Variants in WAPL observed in about 807,000 individuals in gnomAD.
WAPL encodes the protein wings apart-like protein homolog.
A neutral mutation model predicts 121.0 loss-of-function variants in WAPL; 5 were observed. That is an observed-to-expected ratio of 0.04 (90% confidence interval 0.02 to 0.09). WAPL has a LOEUF of 0.09. Among genes scored for constraint, WAPL ranks in the 10% least tolerant of loss-of-function variants. WAPL has a pLI of 1.00. For synonymous variants in WAPL, 480 were observed against 481.5 expected, an observed-to-expected ratio of 1.00 and a Z score of 0.04; for missense variants, 999 against 1,410.8, an observed-to-expected ratio of 0.71 and a Z score of 4.68.
At position 86,500,019 on chromosome 10, in the gene WAPL, C is replaced by G. The variant is rs755528573; in HGVS notation, c.1224G>C (p.Lys408Asn). 1.2e-6 allele frequency: 2 copies of G among 1,614,116 alleles called. No individual in the cohort carries two copies. The highest frequency in any genetic ancestry group is 2.2e-5 in the South Asian group (2 of 91,068). Residue 408 changes from lysine (K) to asparagine (N), a missense_variant, in exon 3 of 19, where the codon AAG becomes AAC. Lys to Asn is a moderately conservative substitution (Grantham distance 94). This residue lies in a region of WAPL where 531 missense variants were observed against 563.1 expected (regional missense o/e 0.94). Coordinates refer to ENST00000298767, the MANE Select transcript of WAPL (RefSeq NM_015045.5). Reference sequence around the variant, plus strand: ...TACTAGGTCGAAATCTAGTAGTAGTCTTAGAAGTTGCAATATCTGCCTTTT... The same window carrying G: ...TACTAGGTCGAAATCTAGTAGTAGTGTTAGAAGTTGCAATATCTGCCTTTT... ...LRKKADIATS[K>N]TTTRFRPSNT...
intron 4 of WAPL, among the ~76,000 whole-genome samples, chr10:86,496,886 T>A (rs1331160187): frequency 7.2e-6 from 1 of 138,876 alleles, no homozygotes; most frequent in Non-Finnish European, 1.7e-5. Context: ...AGGTGTGCAG[T>A]GGGGGAGGAA....
At chr10:86,439,412 G>A (rs1020386029) in intron 17 of WAPL, among the ~76,000 whole-genome samples, 2 of 152,136 alleles carry the variant, frequency 1.3e-5, no homozygotes, top group Non-Finnish European at 2.9e-5. Flanking sequence ...CTCTGTAATA[G>A]AGAATATATG....
At chr10:86,508,043 T>C (rs549112773) in intron 2 of WAPL, among the ~76,000 whole-genome samples, 12 of 152,174 alleles carry the variant, frequency 7.9e-5, no homozygotes, top group Non-Finnish European at 1.3e-4. Flanking sequence ...TGGGGCCTAC[T>C]AGAGGAGGAG....
intron 17 of WAPL, among the ~76,000 whole-genome samples, chr10:86,438,269 T>TTTTTG (rs1336156584): frequency 1.3e-5 from 2 of 151,302 alleles, no homozygotes; most frequent in Non-Finnish European, 3.0e-5. Flanking sequence ...TTTTTTTTTT[T>TTTTTG]TTAAATGAAA....
At chr10:86,520,950 G>A (rs1408935932) in intron 1 of WAPL, among the ~76,000 whole-genome samples, 2 of 151,998 alleles carry the variant, frequency 1.3e-5, no homozygotes, top group Non-Finnish European at 2.9e-5. Flanking sequence ...CAGTGGGCGC[G>A]ATGGACCCCT....
chr10:86,464,639 G>T (rs1841357856), intron 9 of WAPL, among the ~76,000 whole-genome samples: 1 of 152,144 alleles, frequency 6.6e-6, no homozygotes, highest in African/African-American at 2.4e-5. Flanking sequence ...TTCGAGACCA[G>T]TTTAGCCAAC....
intron 17 of WAPL, 111 bp downstream of exon 17, chr10:86,443,164 C>T: frequency 1.3e-6 from 1 of 763,712 alleles, no homozygotes; most frequent in Non-Finnish European, 2.0e-6. Context: ...ATAAGTTGGA[C>T]ATTAAGGGGG....
chr10:86,437,869 T>C, intron 18 of WAPL, 51 bp downstream of exon 18: 1 of 1,375,712 alleles, frequency 7.3e-7, no homozygotes, highest in East Asian at 2.3e-5. Context: ...ATGTCTACTG[T>C]CAATGTATTA....
intron 11 of WAPL, among the ~76,000 whole-genome samples, chr10:86,459,605 A>G (rs1310161161): frequency 6.6e-6 from 1 of 152,242 alleles, no homozygotes; most frequent in Non-Finnish European, 1.5e-5. Context: ...AGTCTTTCGT[A>G]AGAGTCAAAG....
chr10:86,501,742 C>T (rs1842251253), intron 2 of WAPL, among the ~76,000 whole-genome samples: 1 of 152,184 alleles, frequency 6.6e-6, no homozygotes, highest in East Asian at 1.9e-4. Flanking sequence ...GTGGTGTGAT[C>T]ACAGCTCACT....
intron 15 of WAPL, among the ~76,000 whole-genome samples, chr10:86,447,948 T>C (rs1398448852): frequency 6.6e-6 from 1 of 152,094 alleles, no homozygotes; most frequent in Admixed American, 6.6e-5. Context: ...CTTGGGAGGC[T>C]GAGGCAGGAG....
At chr10:86,497,382 T>C (rs191590162) in intron 3 of WAPL, 63 bp from the exon 4 acceptor site, 802 of 1,202,846 alleles carry the variant, frequency 6.7e-4, no homozygotes, top group African/African-American at 5.8e-3. Context: ...AGACAACCTA[T>C]CAAGATTATA....
rs889599954 is a variant in WAPL, at chr10:86,510,231, C to T, written c.499+7340G>A. Among the ~76,000 whole-genome samples, 6 of 151,412 alleles carry T rather than the reference C, an allele frequency of 4.0e-5. No homozygotes were observed. The East Asian group carries it at 7.8e-4, about 20-fold the overall frequency. ...CTGGGATTATAGGCACACGCCACCA[C>T]GCCTGGCTAATTTTTGTATTTTTAG... On this transcript the variant is annotated intron_variant, in intron 2 of 18. Transcript: ENST00000298767.
At chr10:86,442,905 C>T (rs557453067) in intron 17 of WAPL, among the ~76,000 whole-genome samples, 4 of 151,828 alleles carry the variant, frequency 2.6e-5, no homozygotes, top group South Asian at 2.1e-4. Flanking sequence ...TAGCCGGGGG[C>T]GGTGGCAGGC....
chr10:86,449,397 A>G (rs935418558), intron 15 of WAPL, among the ~76,000 whole-genome samples: 1 of 152,250 alleles, frequency 6.6e-6, no homozygotes, highest in African/African-American at 2.4e-5. Flanking sequence ...AGGTATTACA[A>G]TTGAAAAACA....
In WAPL at chr10:86,438,568, A is replaced by G. The variant is rs114441697; in HGVS notation, c.3412-553T>C. On this transcript the variant is annotated intron_variant, in intron 17 of 18. Coordinates refer to ENST00000298767, the MANE Select transcript of WAPL (RefSeq NM_015045.5). ...CATGCCGACCTACTTTCATAAATGC[A>G]AAGAAAAAGGCCTGAAATAACAAAC... Among the ~76,000 whole-genome samples the G allele has an allele frequency of 5.4e-3, 821 of 152,360 alleles. 7 individuals are homozygous for G. The highest frequency in any genetic ancestry group is 0.019 in the African/African-American group (783 of 41,580).
chr10:86,483,794 C>CTTTTTTTTTTTTTTTTTTTTTTTT (rs35725128), intron 4 of WAPL, among the ~76,000 whole-genome samples: 1 of 69,180 alleles, frequency 1.4e-5, no homozygotes, highest in African/African-American at 5.8e-5. Context: ...ATTTTTTTTT[C>CTTTTTTTTTTTTTTTTTTTTTTTT]TTTTTTTTTT....
intron 16 of WAPL, 100 bp from the exon 17 acceptor site, chr10:86,443,463 A>G (rs1849524709): frequency 2.2e-6 from 2 of 895,826 alleles, no homozygotes; most frequent in East Asian, 5.2e-5. Context: ...AAACTGCTAC[A>G]AATCAACGAA....
intron 12 of WAPL, among the ~76,000 whole-genome samples, chr10:86,455,321 T>C (rs1841115810): frequency 6.6e-6 from 1 of 152,316 alleles, no homozygotes; most frequent in Non-Finnish European, 1.5e-5. Flanking sequence ...GGAGACTCCA[T>C]TTTGTTCTGT....
Sources: gnomAD v4.1 joint callset for allele counts (sites outside exome capture counted in the v4.1 genomes callset) on GRCh38, gnomAD v4.1.1 for gene constraint, gnomAD v4.1.1 regional missense constraint, MANE v1.5 for transcripts, NCBI Gene and HGNC (gene_info 2026-07-23, HGNC 2026-07-21) for gene names.